Variants in FOXP2 observed in about 807,000 individuals in gnomAD.
FOXP2 encodes the protein forkhead box P2.
In FOXP2, 12 loss-of-function variants were observed where a neutral mutation model predicts 115.8. That is an observed-to-expected ratio of 0.10 (90% CI 0.07 to 0.17). The LOEUF (loss-of-function observed/expected upper bound fraction) is 0.17, where lower values mean the gene tolerates loss of function less well. Ranked by LOEUF, FOXP2 falls within the 10% of genes least tolerant of loss-of-function variation. FOXP2 has a pLI of 1.00. For missense variants in FOXP2, 629 were observed against 843.5 expected (o/e 0.75, Z 3.15); for synonymous variants, 328 against 297.7 (o/e 1.10, Z -1.05).
chr7:114,250,494 C>G (rs200746659), intron 1 of FOXP2, among the ~76,000 whole-genome samples: 13 of 152,076 alleles, frequency 8.5e-5, no homozygotes, highest in Admixed American at 2.0e-4. Context: ...CATTCTAACT[C>G]GTGTGAGATG....
At chr7:114,211,246 A>G (rs770975334) in intron 1 of FOXP2, among the ~76,000 whole-genome samples, 10 of 152,194 alleles carry the variant, frequency 6.6e-5, no homozygotes, top group Non-Finnish European at 1.5e-4. Flanking sequence ...TCCCGGGGCC[A>G]GAGTATGTAA....
chr7:114,519,779 G>A (rs1424633093), intron 2 of FOXP2, among the ~76,000 whole-genome samples: 1 of 152,060 alleles, frequency 6.6e-6, no homozygotes, highest in South Asian at 2.1e-4. Context: ...GGAGAAAAGG[G>A]TCATTTCAAG....
At chr7:114,310,852 G>A (rs1797132412) in intron 2 of FOXP2, among the ~76,000 whole-genome samples, 1 of 152,158 alleles carries the variant, frequency 6.6e-6, no homozygotes, top group Non-Finnish European at 1.5e-5. Context: ...CTCTCTAGCA[G>A]AAATGAAGTA....
At chr7:114,656,617 C>T in intron 10 of FOXP2, 1 of 347,498 alleles carries the variant, frequency 2.9e-6, no homozygotes, top group Non-Finnish European at 5.9e-6. Flanking sequence ...GAATTCCCTA[C>T]CCAGTCTGCT....
At chr7:114,567,067 G>T (rs1801061743) in intron 3 of FOXP2, among the ~76,000 whole-genome samples, 1 of 152,012 alleles carries the variant, frequency 6.6e-6, no homozygotes, top group African/African-American at 2.4e-5. Context: ...AGAGTCTTTA[G>T]TATGTATCAT....
rs550327085 is a variant in FOXP2, at chr7:114,472,844, TGTGTGGGTAG to T, written c.168+46171_168+46180del. On this transcript the variant is annotated intron_variant, in intron 2 of 16. Transcript: ENST00000350908. ...CAATAAAAATGTATGTGTGAGTGTG[TGTGTGGGTAG>T]GTGTGCATGTCTGTCTGTCTAGAGG... 1.6e-4 allele frequency among the ~76,000 whole-genome samples: 25 copies of T among 152,324 alleles called. No homozygotes were observed. In the South Asian group the frequency reaches 5.2e-3, roughly 32 times the overall value.
intron 3 of FOXP2, among the ~76,000 whole-genome samples, chr7:114,559,118 C>T (rs1337712595): frequency 6.6e-6 from 1 of 152,078 alleles, no homozygotes; most frequent in African/African-American, 2.4e-5. Context: ...AAGTACTCTG[C>T]AGGGATATCT....
intron 8 of FOXP2, among the ~76,000 whole-genome samples, chr7:114,648,981 C>T (rs1176986726): frequency 6.6e-6 from 1 of 151,956 alleles, no homozygotes; most frequent in Non-Finnish European, 1.5e-5. Flanking sequence ...TTGCTTTGCT[C>T]TTATTAATGC....
chr7:114,542,595 C>T (rs1799722255), intron 3 of FOXP2, among the ~76,000 whole-genome samples: 1 of 151,902 alleles, frequency 6.6e-6, no homozygotes, highest in Non-Finnish European at 1.5e-5. Context: ...TTTTGGTCTG[C>T]TTTTTCAGAA....
chr7:114,109,253 C>T (rs767470685), intron 1 of FOXP2, among the ~76,000 whole-genome samples: 1 of 151,940 alleles, frequency 6.6e-6, no homozygotes, highest in Admixed American at 6.6e-5. Flanking sequence ...AGTTTGGATT[C>T]AATGTCATTG....
chr7:114,671,623 A>G (rs1191831865), intron 16 of FOXP2, among the ~76,000 whole-genome samples: 1 of 152,188 alleles, frequency 6.6e-6, no homozygotes, highest in African/African-American at 2.4e-5. Flanking sequence ...TGATTACTGA[A>G]TTGTTAAAGA....
chr7:114,231,712 C>T (rs988623453), intron 1 of FOXP2, among the ~76,000 whole-genome samples: 2 of 152,114 alleles, frequency 1.3e-5, no homozygotes, highest in East Asian at 3.8e-4. Context: ...ACATAAACAT[C>T]AATTCACAAT....
intron 1 of FOXP2, among the ~76,000 whole-genome samples, chr7:114,253,223 A>G (rs879177372): frequency 1.3e-5 from 2 of 152,160 alleles, no homozygotes; most frequent in South Asian, 2.1e-4. Flanking sequence ...TATGTGGTCA[A>G]TTTTGGAATG....
rs141869653 is a variant in FOXP2 at position 114,191,980 on chromosome 7, T to A, written c.-102+28892T>A. On this transcript the variant is annotated intron_variant, in intron 1 of 17. Transcript: ENST00000634411. Reference sequence around the variant, plus strand: ...ATTACTGTCTCTGTAGTTTTGCCTTTTCTTGAGTGTCATATAGTTGGAATA... The same window carrying A: ...ATTACTGTCTCTGTAGTTTTGCCTTATCTTGAGTGTCATATAGTTGGAATA... Among the ~76,000 whole-genome samples, 659 of 152,272 alleles carry A rather than the reference T, an allele frequency of 4.3e-3. 9 individuals carry two copies. The highest frequency in any genetic ancestry group is 0.014 in the African/African-American group (587 of 41,564).
At chr7:114,507,666 G>A (rs1797887267) in intron 2 of FOXP2, among the ~76,000 whole-genome samples, 1 of 151,932 alleles carries the variant, frequency 6.6e-6, no homozygotes, top group Non-Finnish European at 1.5e-5. Context: ...TCACAAGATA[G>A]TGGGGACTAT....
At chr7:114,392,806 G>T (rs1410210823) in intron 2 of FOXP2, among the ~76,000 whole-genome samples, 3 of 152,158 alleles carry the variant, frequency 2.0e-5, no homozygotes, top group Admixed American at 6.5e-5. Context: ...CTTAGTAAGT[G>T]CCTACTTTTG....
At chr7:114,249,730 A>T (rs1222934186) in intron 1 of FOXP2, among the ~76,000 whole-genome samples, 1 of 152,072 alleles carries the variant, frequency 6.6e-6, no homozygotes, top group Non-Finnish European at 1.5e-5. Context: ...GTATATACCC[A>T]GTAATGAGAT....
At chr7:114,289,793 A>T (rs963210243) in intron 2 of FOXP2, among the ~76,000 whole-genome samples, 3 of 152,006 alleles carry the variant, frequency 2.0e-5, no homozygotes, top group African/African-American at 4.8e-5. Context: ...CACTAACCAC[A>T]TATTGGTGTA....
chr7:114,295,523 C>A (rs934929397), intron 2 of FOXP2, among the ~76,000 whole-genome samples: 5 of 152,152 alleles, frequency 3.3e-5, no homozygotes, highest in African/African-American at 1.2e-4. Context: ...AGATACCATG[C>A]AGCTTGAATG....
Sources: allele counts gnomAD v4.1 joint callset (sites outside exome capture counted in the v4.1 genomes callset), GRCh38; gene constraint gnomAD v4.1.1; transcripts MANE v1.5; gene names NCBI Gene and HGNC (gene_info 2026-07-23, HGNC 2026-07-21).